KAZN: variants seen among roughly 807,000 people sequenced by gnomAD.
KAZN encodes the protein kazrin.
A neutral mutation model predicts 87.4 loss-of-function variants in KAZN; 40 were observed. That is an observed-to-expected ratio of 0.46 (90% CI 0.36 to 0.60). The LOEUF (loss-of-function observed/expected upper bound fraction) is 0.60, where lower values mean the gene tolerates loss of function less well. Ranked by LOEUF, KAZN falls within the 20% of genes least tolerant of loss-of-function variation. The pLI is 0.00. For missense variants in KAZN, 898 were observed against 1,073.9 expected, an observed-to-expected ratio of 0.84 and a Z score of 2.29; for synonymous variants, 466 against 458.3, an observed-to-expected ratio of 1.02 and a Z score of -0.22.
intron 2 of KAZN, among the ~76,000 whole-genome samples, chr1:14,535,324 G>T (rs570633236): frequency 1.4e-4 from 22 of 152,190 alleles, no homozygotes; most frequent in Non-Finnish European, 2.6e-4. Context: ...ATTGCCTGCA[G>T]CAAGAAACTG....
At chr1:14,728,628 C>T (rs1401924308) in intron 1 of KAZN, among the ~76,000 whole-genome samples, 1 of 152,202 alleles carries the variant, frequency 6.6e-6, no homozygotes, top group Non-Finnish European at 1.5e-5. Context: ...CATCACATTA[C>T]AAGACACTTG....
At chr1:14,982,411 C>T (rs891065101) in intron 2 of KAZN, among the ~76,000 whole-genome samples, 3 of 148,590 alleles carry the variant, frequency 2.0e-5, no homozygotes, top group African/African-American at 5.0e-5. Context: ...GTTCTCAGCA[C>T]CTGAGATTTT....
At chr1:14,574,435 G>A (rs61771942) in intron 2 of KAZN, among the ~76,000 whole-genome samples, 14,812 of 152,192 alleles carry the variant, frequency 0.097, 923 homozygotes, top group Middle Eastern at 0.21. Flanking sequence ...TCATGGAGGC[G>A]ATTTCCCCCA....
intron 2 of KAZN, among the ~76,000 whole-genome samples, chr1:14,526,570 T>G (rs1325068828): frequency 1.3e-5 from 2 of 152,216 alleles, no homozygotes; most frequent in Admixed American, 1.3e-4. Flanking sequence ...ATTGACAAAT[T>G]GAAATAGACA....
chr1:14,976,237 C>T (rs757635263), intron 2 of KAZN, among the ~76,000 whole-genome samples: 15 of 152,194 alleles, frequency 9.9e-5, no homozygotes, highest in Admixed American at 3.9e-4. Flanking sequence ...GGCATAATCT[C>T]GGCTCACTGC....
intron 1 of KAZN, among the ~76,000 whole-genome samples, chr1:14,092,352 A>G (rs1001182644): frequency 2.7e-5 from 4 of 150,730 alleles, no homozygotes; most frequent in African/African-American, 9.7e-5. Context: ...CGGCCTCCCA[A>G]AGTGCTGGGA....
intron 2 of KAZN, among the ~76,000 whole-genome samples, chr1:14,274,592 C>T (rs1201073395): frequency 6.6e-6 from 1 of 152,142 alleles, no homozygotes; most frequent in Non-Finnish European, 1.5e-5. Context: ...ACACTGTGCA[C>T]AATTTTGGCA....
intron 1 of KAZN, among the ~76,000 whole-genome samples, chr1:14,939,887 C>T (rs973638243): frequency 2.0e-5 from 3 of 152,128 alleles, no homozygotes; most frequent in Non-Finnish European, 4.4e-5. Flanking sequence ...TCACAGGGGG[C>T]CTGGGTTGAC....
intron 2 of KAZN, among the ~76,000 whole-genome samples, chr1:14,221,740 TGGGAAG>T (rs991548968): frequency 1.3e-5 from 2 of 152,162 alleles, no homozygotes; most frequent in African/African-American, 4.8e-5. Context: ...GGGGATGAGG[TGGGAAG>T]AAGACAAGAA....
intron 1 of KAZN, among the ~76,000 whole-genome samples, chr1:14,772,381 G>C (rs1484440966): frequency 2.6e-5 from 4 of 152,120 alleles, no homozygotes; most frequent in Non-Finnish European, 5.9e-5. Flanking sequence ...CTCCTCAGGA[G>C]GCTGAGGTGG....
At chr1:14,966,898 G>A (rs561842563) in intron 2 of KAZN, among the ~76,000 whole-genome samples, 2 of 152,164 alleles carry the variant, frequency 1.3e-5, no homozygotes, top group African/African-American at 4.8e-5. Context: ...TTGAACCCCT[G>A]ACCTCAGGTG....
intron 1 of KAZN, among the ~76,000 whole-genome samples, chr1:14,082,515 G>C (rs1370325838): frequency 6.6e-6 from 1 of 152,100 alleles, no homozygotes; most frequent in Non-Finnish European, 1.5e-5. Context: ...ACCCTTGATT[G>C]CATCCTGTGG....
At chr1:14,702,639 G>A (rs370103885) in intron 1 of KAZN, among the ~76,000 whole-genome samples, 6 of 152,044 alleles carry the variant, frequency 3.9e-5, no homozygotes, top group African/African-American at 9.7e-5. Context: ...ATCGTGTATC[G>A]ATAGATTAGA....
chr1:14,857,192 G>C (rs971838955), intron 1 of KAZN, among the ~76,000 whole-genome samples: 1 of 152,204 alleles, frequency 6.6e-6, no homozygotes, highest in Non-Finnish European at 1.5e-5. Context: ...ACTTCTTTCA[G>C]AGGGTATGAG....
chr1:14,770,759 A>G (rs1644997802), intron 1 of KAZN, among the ~76,000 whole-genome samples: 1 of 152,220 alleles, frequency 6.6e-6, no homozygotes, highest in Non-Finnish European at 1.5e-5. Context: ...GAATTTTCAA[A>G]CACGTTAGGC....
intron 1 of KAZN, among the ~76,000 whole-genome samples, chr1:13,912,759 A>T (rs1254659124): frequency 6.6e-6 from 1 of 152,028 alleles, no homozygotes. Flanking sequence ...GTGCAGCACC[A>T]CACCTGGCTA....
At chr1:14,041,707 T>A (rs548829902) in intron 1 of KAZN, among the ~76,000 whole-genome samples, 24 of 152,306 alleles carry the variant, frequency 1.6e-4, no homozygotes, top group Non-Finnish European at 2.8e-4. Context: ...TCATCCAAAG[T>A]CTTCTTTTTC....
intron 2 of KAZN, among the ~76,000 whole-genome samples, chr1:15,014,805 G>C (rs1669914592): frequency 6.6e-6 from 1 of 152,160 alleles, no homozygotes; most frequent in Non-Finnish European, 1.5e-5. Flanking sequence ...GGGATGGTCA[G>C]GCAGTCAGCG....
In KAZN at chr1:14,783,960, C is replaced by T. The variant is rs533383422; in HGVS notation, c.227-176724C>T. On this transcript the variant is annotated intron_variant, in intron 1 of 14. Coordinates refer to ENST00000376030, the MANE Select transcript of KAZN (RefSeq NM_201628.3). ...AAAAGTTGGGGTCCTCATCTGTGGA[C>T]AGCAGTGACCCCTAAGAAGGGTTGT... Among the ~76,000 whole-genome samples, 41 of 152,274 alleles carry T rather than the reference C, an allele frequency of 2.7e-4. 2 individuals carry two copies. In the South Asian group the frequency reaches 8.3e-3, roughly 31 times the overall value.
Sources: gnomAD v4.1 joint callset for allele counts (sites outside exome capture counted in the v4.1 genomes callset) on GRCh38, gnomAD v4.1.1 for gene constraint, MANE v1.5 for transcripts, NCBI Gene and HGNC (gene_info 2026-07-23, HGNC 2026-07-21) for gene names.